RAI1: variants seen among roughly 807,000 people sequenced by gnomAD.
RAI1 encodes the protein retinoic acid-induced protein 1.
Under a neutral mutation model 123.8 loss-of-function variants are expected in RAI1, and 9 were observed. That is an observed-to-expected ratio of 0.07 (90% CI 0.04 to 0.13). RAI1 has a LOEUF of 0.13. Ranked by LOEUF, RAI1 falls within the 10% of genes least tolerant of loss-of-function variation. The pLI is 1.00. For missense variants in RAI1, 2,256 were observed against 2,545.8 expected (o/e 0.89, Z 2.45); for synonymous variants, 1,231 against 1,127.3 (o/e 1.09, Z -1.84).
intron 3 of RAI1, among the ~76,000 whole-genome samples, chr17:17,803,105 AAAAG>A (rs1307822007): frequency 6.6e-6 from 1 of 151,622 alleles, no homozygotes; most frequent in Non-Finnish European, 1.5e-5. Flanking sequence ...AAAAAAAAAA[AAAAG>A]CAAGCCAGTG....
intron 4 of RAI1, chr17:17,804,127 G>A (rs1015717428): frequency 6.6e-5 from 33 of 499,996 alleles, no homozygotes; most frequent in South Asian, 2.3e-4. Flanking sequence ...TGCTGTCTGC[G>A]GAGCCATCAT....
At chr17:17,749,175 G>C (rs950205189) in intron 2 of RAI1, among the ~76,000 whole-genome samples, 1 of 152,200 alleles carries the variant, frequency 6.6e-6, no homozygotes, top group African/African-American at 2.4e-5. Flanking sequence ...GCACCAGCTC[G>C]CCTGAGCTGC....
chr17:17,803,377 TTG>T (rs2032523761), intron 3 of RAI1, among the ~76,000 whole-genome samples: 2 of 151,260 alleles, frequency 1.3e-5, no homozygotes. Context: ...TACAGGTTTT[TTG>T]TGTTTTTTTT....
chr17:17,778,464 T>C (rs1469571289), intron 2 of RAI1: 1 of 315,784 alleles, frequency 3.2e-6, no homozygotes, highest in Non-Finnish European at 6.3e-6. Context: ...TCTTGCAGCT[T>C]AGGCACACAA....
At chr17:17,699,140 G>T (rs1348579518) in intron 1 of RAI1, among the ~76,000 whole-genome samples, 1 of 152,238 alleles carries the variant, frequency 6.6e-6, no homozygotes, top group East Asian at 1.9e-4. Flanking sequence ...CCTTCTCTGG[G>T]CTCCTAGAGG....
intron 2 of RAI1, among the ~76,000 whole-genome samples, chr17:17,752,363 G>T (rs2030221053): frequency 6.6e-6 from 1 of 152,218 alleles, no homozygotes; most frequent in Non-Finnish European, 1.5e-5. Flanking sequence ...GAAAGGGGCG[G>T]GGCTGACCTG....
intron 2 of RAI1, among the ~76,000 whole-genome samples, chr17:17,736,343 C>G (rs568661577): frequency 5.9e-5 from 9 of 152,232 alleles, no homozygotes. Context: ...CATTCATGCT[C>G]TCCCTCCCAG....
intron 2 of RAI1, among the ~76,000 whole-genome samples, chr17:17,782,719 T>C (rs901480491): frequency 2.7e-5 from 4 of 150,880 alleles, no homozygotes; most frequent in Non-Finnish European, 1.5e-5. Context: ...TGCCGCGGCC[T>C]GGAGGAAGAG....
At chr17:17,695,329 CCTCCCCTA>C (rs1914986071) in intron 1 of RAI1, among the ~76,000 whole-genome samples, 1 of 152,178 alleles carries the variant, frequency 6.6e-6, no homozygotes, top group Non-Finnish European at 1.5e-5. Flanking sequence ...GGAGCACAGG[CCTCCCCTA>C]GTTGGCAGTC....
At chr17:17,785,186 G>A (rs2031782235) in intron 2 of RAI1, among the ~76,000 whole-genome samples, 2 of 152,220 alleles carry the variant, frequency 1.3e-5, no homozygotes, top group Non-Finnish European at 2.9e-5. Flanking sequence ...ACCAGTGCAG[G>A]CACTAGGGGC....
chr17:17,797,864 C>G lies in RAI1; in HGVS notation c.4916C>G (p.Ser1639Trp). 6.2e-7 allele frequency: 1 copy of G among 1,614,016 alleles called. No homozygotes were observed. Among genetic ancestry groups the G allele is most frequent in the Non-Finnish European group, 8.5e-7 (1 of 1,180,014 alleles). ...GCCTCCTCTTCCTCATCCTCGTCCT[C>G]GTTCTCCTTGGATGCAGCCGGGGCC... ...SSASSSSSSS[S>W]FSLDAAGASL... The change falls in exon 3 of 6, where the codon TCG becomes TGG. Residue 1639 changes from serine (S) to tryptophan (W), a missense_variant. Coordinates refer to ENST00000353383, the MANE Select transcript of RAI1 (RefSeq NM_030665.4).
At position 17,795,606 on chromosome 17, in the gene RAI1, C is replaced by T; in HGVS notation, c.2658C>T (p.Gly886=). 2 of 1,613,088 alleles carry T rather than the reference C, an allele frequency of 1.2e-6. No homozygotes were observed. Among genetic ancestry groups the T allele is most frequent in the Non-Finnish European group, 1.7e-6 (2 of 1,179,796 alleles). ...ELLGSPEQRP[G]MQDPLSPKAP... ...TGGGCAGCCCCGAGCAGAGGCCTGGCATGCAGGACCCGCTGTCACCCAAGG... is the reference window on the plus strand; with the variant it reads ...TGGGCAGCCCCGAGCAGAGGCCTGGTATGCAGGACCCGCTGTCACCCAAGG... Residue 886 remains glycine (G), a synonymous_variant, in exon 3 of 6, where the codon GGC becomes GGT. Transcript: ENST00000353383. This position sits in a 1 kb window ranked among gnomAD's most constrained non-coding sequence, Gnocchi z 5.9.
intron 1 of RAI1, among the ~76,000 whole-genome samples, chr17:17,707,438 G>A (rs62064079): frequency 0.21 from 31,285 of 152,072 alleles, 3,521 homozygotes; most frequent in East Asian, 0.34. Flanking sequence ...ACTCGAGGGA[G>A]GTCAGTGAAC....
At chr17:17,776,308 G>A (rs571192717) in intron 2 of RAI1, among the ~76,000 whole-genome samples, 1 of 152,348 alleles carries the variant, frequency 6.6e-6, no homozygotes, top group South Asian at 2.1e-4. Context: ...AAATCTTTTA[G>A]GAGTTATCAC....
chr17:17,702,818 A>G (rs981381265), intron 1 of RAI1, among the ~76,000 whole-genome samples: 1 of 152,220 alleles, frequency 6.6e-6, no homozygotes, highest in Non-Finnish European at 1.5e-5. Context: ...CACTGAGGCC[A>G]GTCGGGGTGA....
Position 17,795,389 on chromosome 17 carries a change from A to T in RAI1, c.2441A>T (p.Glu814Val). The T allele has an allele frequency of 6.3e-7, 1 of 1,593,110 alleles. No individual in the cohort carries two copies. The highest frequency in any genetic ancestry group is 8.6e-7 in the Non-Finnish European group (1 of 1,167,654). The change falls in exon 3 of 6, where the codon GAG (glutamate) becomes GTG (valine). Residue 814 changes from glutamate to valine, a missense_variant. Physicochemically the swap from Glu to Val is moderately radical, Grantham distance 121. Around this residue, in one of 7 missense-constraint regions of RAI1, gnomAD observed 566 missense variants for 616.0 expected, o/e 0.92. Coordinates refer to ENST00000353383, the MANE Select transcript of RAI1 (RefSeq NM_030665.4). This position sits in a 1 kb window ranked among gnomAD's most constrained non-coding sequence, Gnocchi z 5.9. Reference protein sequence around the residue: ...ASLPGDFKQEEVGGVKEEAGG... With the variant: ...ASLPGDFKQEVVGGVKEEAGG... ...TTGCCCGGGGACTTCAAGCAGGAGG[A>T]GGTGGGTGGGGTGAAGGAGGAGGCA...
intron 1 of RAI1, among the ~76,000 whole-genome samples, chr17:17,709,386 C>G (rs1403159366): frequency 2.0e-5 from 3 of 152,118 alleles, no homozygotes; most frequent in African/African-American, 7.2e-5. Flanking sequence ...CTCAGAAAAG[C>G]CCTTTGCTGG....
intron 1 of RAI1, among the ~76,000 whole-genome samples, chr17:17,688,842 C>T (rs888705577): frequency 1.3e-5 from 2 of 152,160 alleles, no homozygotes; most frequent in Non-Finnish European, 2.9e-5. Context: ...TCATGATCCG[C>T]CTGCCTCGGC....
At chr17:17,790,109 C>T (rs2031959543) in intron 2 of RAI1, among the ~76,000 whole-genome samples, 1 of 152,226 alleles carries the variant, frequency 6.6e-6, no homozygotes, top group South Asian at 2.1e-4. Context: ...GCCCTGCTGC[C>T]TGCCTCGCCT....
Sources: gnomAD v4.1 joint callset for allele counts (sites outside exome capture counted in the v4.1 genomes callset) on GRCh38, gnomAD v4.1.1 for gene constraint, gnomAD v4.1.1 regional missense constraint, Gnocchi (gnomAD v3.1) non-coding constraint, MANE v1.5 for transcripts, NCBI Gene and HGNC (gene_info 2026-07-23, HGNC 2026-07-21) for gene names.